GPHN: variants seen among roughly 807,000 people sequenced by gnomAD.
GPHN encodes the protein gephyrin.
Under a neutral mutation model 95.5 loss-of-function variants are expected in GPHN, and 17 were observed. The ratio of observed to expected loss-of-function variants is 0.18; its 90% CI spans 0.12 to 0.27. The LOEUF (loss-of-function observed/expected upper bound fraction) is 0.27. Among genes scored for constraint, GPHN ranks in the 10% least tolerant of loss-of-function variants. The pLI, the probability that GPHN is intolerant of heterozygous loss-of-function variation, is 1.00. For missense variants in GPHN, 660 were observed against 978.1 expected, an observed-to-expected ratio of 0.67 and a Z score of 4.34; for synonymous variants, 320 against 322.5, an observed-to-expected ratio of 0.99 and a Z score of 0.08.
chr14:67,495,129 G>A, the GPHN span, among the ~76,000 whole-genome samples: 1 of 152,074 alleles, frequency 6.6e-6, no homozygotes, highest in African/African-American at 2.4e-5. Flanking sequence ...ACAGGGGGTG[G>A]GGCCCAGGAA....
At chr14:67,351,911 C>CAAAAAA in the GPHN span, among the ~76,000 whole-genome samples, 4 of 128,118 alleles carry the variant, frequency 3.1e-5, no homozygotes, top group African/African-American at 1.3e-4. Flanking sequence ...GAACCTCTAC[C>CAAAAAA]AAAAAAAAAA....
At chr14:67,270,181 A>G in the GPHN span, 1 of 152,164 alleles carries the variant, frequency 6.6e-6, no homozygotes, top group Non-Finnish European at 1.5e-5. Context: ...CAGTCCCTCC[A>G]GTCTCAATCA....
chr14:67,683,561 A>G, the GPHN span, among the ~76,000 whole-genome samples: 1 of 152,178 alleles, frequency 6.6e-6, no homozygotes, highest in Non-Finnish European at 1.5e-5. Context: ...TTTTCCCCTC[A>G]ATATAGTTTG....
chr14:66,871,781 G>A lies in GPHN; in HGVS notation c.295-8158G>A, dbSNP rs557954367. The stretch of plus-strand genomic sequence containing the variant: ...ACACACTGGGGCCTGTCGGCGGGGT[G>A]AGGGGGAAGGGGAGGGAGGGTATTG... On this transcript the variant is annotated intron_variant, in intron 4 of 22. Coordinates refer to ENST00000478722, the MANE Select transcript of GPHN (RefSeq NM_020806.5). Among the ~76,000 whole-genome samples the A allele has an allele frequency of 4.3e-3, 657 of 151,936 alleles. 4 individuals are homozygous for A. Among genetic ancestry groups the A allele is most frequent in the South Asian group, 0.014 (69 of 4,812 alleles).
At chr14:66,999,796 C>CT (rs1567197641) in intron 9 of GPHN, among the ~76,000 whole-genome samples, 1 of 151,800 alleles carries the variant, frequency 6.6e-6, no homozygotes. Flanking sequence ...AGAATTAATA[C>CT]TTTCTTCTGA....
At chr14:67,397,661 C>G in the GPHN span, 11 of 1,608,264 alleles carry the variant, frequency 6.8e-6, no homozygotes, top group African/African-American at 1.2e-4. Context: ...CCATCACTTA[C>G]CGGTCGGTTT....
rs1340889813 is a variant in GPHN at position 67,016,121 on chromosome 14, A to G, written c.964-7512A>G. On this transcript the variant is annotated intron_variant, in intron 9 of 22. Transcript: ENST00000478722. ...GAGGTGGGAAAGGTTTCATATAGCT[A>G]TAATATTCTGCAGATAAAAGGAGGC... Among the ~76,000 whole-genome samples the G allele has an allele frequency of 2.6e-5, 4 of 152,192 alleles. No individual in the cohort carries two copies. The South Asian group carries it at 6.2e-4, about 24-fold the overall frequency.
rs574401396 is a variant in GPHN, at chr14:67,154,297, C to A, written c.1837-5118C>A. On this transcript the variant is annotated intron_variant, in intron 18 of 22. Transcript: ENST00000478722. ...CAAGGCTTAGCTAATATATCACTAC[C>A]TCTTCTAGAATGACCTTTCCTATTC... Among the ~76,000 whole-genome samples, 10 of 152,314 alleles carry A rather than the reference C, an allele frequency of 6.6e-5. No homozygotes were observed. In the South Asian group the frequency reaches 2.1e-3, roughly 32 times the overall value.
the GPHN span, among the ~76,000 whole-genome samples, chr14:67,291,891 T>C: frequency 0.15 from 23,564 of 152,142 alleles, 3,444 homozygotes; most frequent in East Asian, 0.42. Flanking sequence ...TGTTTGACTT[T>C]TTAAAAAATG....
At chr14:67,388,789 C>T in the GPHN span, among the ~76,000 whole-genome samples, 3 of 152,134 alleles carry the variant, frequency 2.0e-5, no homozygotes, top group African/African-American at 7.2e-5. Context: ...AAGCGATTCT[C>T]CTGCCTCAGT....
intron 1 of GPHN, among the ~76,000 whole-genome samples, chr14:66,572,871 G>A (rs1292032312): frequency 6.6e-6 from 1 of 152,124 alleles, no homozygotes; most frequent in African/African-American, 2.4e-5. Flanking sequence ...TTCTACTGTT[G>A]TGTATGATGT....
chr14:67,369,452 A>G, the GPHN span, among the ~76,000 whole-genome samples: 5 of 152,254 alleles, frequency 3.3e-5, no homozygotes, highest in African/African-American at 4.8e-5. Context: ...TGGAGAAACA[A>G]TTAGATCAAT....
At chr14:67,162,096 T>C (rs1171010092) in intron 19 of GPHN, among the ~76,000 whole-genome samples, 1 of 152,232 alleles carries the variant, frequency 6.6e-6, no homozygotes, top group Non-Finnish European at 1.5e-5. Flanking sequence ...ATTCACAGTT[T>C]AGCAATAGGA....
the GPHN span, among the ~76,000 whole-genome samples, chr14:67,412,726 G>A: frequency 0.011 from 1,744 of 152,216 alleles, 17 homozygotes; most frequent in Middle Eastern, 0.017. Flanking sequence ...CAGTAACCTA[G>A]ACAAATTATA....
chr14:67,645,472 G>T, the GPHN span, among the ~76,000 whole-genome samples: 1 of 152,158 alleles, frequency 6.6e-6, no homozygotes, highest in East Asian at 1.9e-4. Flanking sequence ...TATCACTCAA[G>T]ATTAATTTTT....
chr14:67,523,674 C>T, the GPHN span, among the ~76,000 whole-genome samples: 4 of 152,222 alleles, frequency 2.6e-5, no homozygotes, highest in African/African-American at 9.6e-5. Flanking sequence ...GTAGGTTAAA[C>T]TCTGGCTTTG....
At chr14:67,675,568 C>T in the GPHN span, among the ~76,000 whole-genome samples, 1 of 142,226 alleles carries the variant, frequency 7.0e-6, no homozygotes, top group African/African-American at 2.4e-5. Context: ...TAATTCTCCT[C>T]GTGGAGACTA....
At chr14:67,709,868 A>C in the GPHN span, among the ~76,000 whole-genome samples, 2 of 152,192 alleles carry the variant, frequency 1.3e-5, no homozygotes, top group Admixed American at 6.5e-5. Flanking sequence ...CCCCAAAATC[A>C]CTAAGGAAAT....
At chr14:67,663,806 C>T in the GPHN span, among the ~76,000 whole-genome samples, 1 of 152,164 alleles carries the variant, frequency 6.6e-6, no homozygotes, top group East Asian at 1.9e-4. Context: ...ATACAAGCAC[C>T]TTTTCTGGTT....
Sources: gnomAD v4.1 joint callset for allele counts (sites outside exome capture counted in the v4.1 genomes callset) on GRCh38, gnomAD v4.1.1 for gene constraint, MANE v1.5 for transcripts, NCBI Gene and HGNC (gene_info 2026-07-23, HGNC 2026-07-21) for gene names.